The following TANC1 variants were observed in gnomAD, a reference collection of about 807,000 sequenced individuals.
TANC1 encodes the protein protein TANC1.
Under a neutral mutation model 149.7 loss-of-function variants are expected in TANC1, and 77 were observed. That is an observed-to-expected ratio of 0.51 (90% CI 0.43 to 0.62). The LOEUF is 0.62. TANC1 is among the 20% of genes least tolerant of loss of function. The pLI, the probability that TANC1 is intolerant of heterozygous loss-of-function variation, is 0.00. For missense variants in TANC1, 1,985 were observed against 2,321.8 expected, an observed-to-expected ratio of 0.85 and a Z score of 2.98; for synonymous variants, 854 against 925.0, an observed-to-expected ratio of 0.92 and a Z score of 1.39.
At chr2:159,082,639 A>G (rs958432869) in intron 3 of TANC1, among the ~76,000 whole-genome samples, 1 of 152,192 alleles carries the variant, frequency 6.6e-6, no homozygotes, top group African/African-American at 2.4e-5. Context: ...TGTCCTTAGC[A>G]GAGTGCTGTA....
In TANC1 at chr2:159,179,373, G is replaced by T. The variant is rs565827867; in HGVS notation, c.2510+210G>T. Among the ~76,000 whole-genome samples, 3 of 151,986 alleles carry T rather than the reference G, an allele frequency of 2.0e-5. No homozygotes were observed. The South Asian group carries it at 6.2e-4, about 32-fold the overall frequency. On this transcript the variant is annotated intron_variant, in intron 14 of 26. Transcript: ENST00000263635. Reference sequence around the variant, plus strand: ...ACAGAAGCTGCCTTCTAATTGCTAGGACTCCCTTATGGATGGTACATGTGG... The same window carrying T: ...ACAGAAGCTGCCTTCTAATTGCTAGTACTCCCTTATGGATGGTACATGTGG...
chr2:159,100,625 G>C (rs2046586746), intron 4 of TANC1, among the ~76,000 whole-genome samples: 1 of 152,170 alleles, frequency 6.6e-6, no homozygotes. Flanking sequence ...ATCTCTAACG[G>C]AGCAGTGCTT....
At chr2:159,016,321 C>T (rs2038260684) in intron 2 of TANC1, among the ~76,000 whole-genome samples, 2 of 152,098 alleles carry the variant, frequency 1.3e-5, no homozygotes, top group Admixed American at 6.5e-5. Flanking sequence ...GGGAACGACC[C>T]CCATGATTCA....
chr2:159,066,208 G>A (rs1429416688), intron 3 of TANC1, among the ~76,000 whole-genome samples: 1 of 152,180 alleles, frequency 6.6e-6, no homozygotes, highest in Non-Finnish European at 1.5e-5. Context: ...AGGAGTTCCA[G>A]GACCAGCCTG....
At chr2:159,020,832 T>A (rs551403654) in intron 2 of TANC1, among the ~76,000 whole-genome samples, 26 of 151,994 alleles carry the variant, frequency 1.7e-4, no homozygotes, top group African/African-American at 6.3e-4. Context: ...ATATAGACAA[T>A]CTTCTTGGAC....
intron 8 of TANC1, among the ~76,000 whole-genome samples, chr2:159,167,964 C>T (rs2054780342): frequency 6.6e-6 from 1 of 152,120 alleles, no homozygotes; most frequent in African/African-American, 2.4e-5. Flanking sequence ...GTCCCCTGCA[C>T]CTTGGTCCCA....
chr2:158,999,460 T>A (rs1166787431), intron 1 of TANC1, among the ~76,000 whole-genome samples: 1 of 152,192 alleles, frequency 6.6e-6, no homozygotes, highest in Admixed American at 6.5e-5. Flanking sequence ...TATTATTGCC[T>A]CCCTCAAATA....
At chr2:159,209,382 G>C (rs2058838659) in intron 19 of TANC1, among the ~76,000 whole-genome samples, 1 of 152,216 alleles carries the variant, frequency 6.6e-6, no homozygotes, top group Admixed American at 6.5e-5. Context: ...CCCTCGCTCA[G>C]AGACGGGAGG....
At chr2:159,208,850 T>C (rs2058800367) in intron 19 of TANC1, among the ~76,000 whole-genome samples, 3 of 152,352 alleles carry the variant, frequency 2.0e-5, no homozygotes, top group Admixed American at 2.0e-4. Flanking sequence ...AATCCTCCAG[T>C]GTACTTACAC....
intron 3 of TANC1, among the ~76,000 whole-genome samples, chr2:159,080,077 C>T (rs1256975632): frequency 6.6e-6 from 1 of 152,294 alleles, no homozygotes; most frequent in East Asian, 1.9e-4. Context: ...AGGGGCAGGG[C>T]TCTGCAACCC....
At chr2:159,012,428 T>A (rs1469923769) in intron 2 of TANC1, among the ~76,000 whole-genome samples, 2 of 150,632 alleles carry the variant, frequency 1.3e-5, no homozygotes, top group South Asian at 4.2e-4. Context: ...TTAAAATACC[T>A]TGGCACTCTA....
intron 2 of TANC1, among the ~76,000 whole-genome samples, chr2:159,062,992 A>AAAAAAAAAAAAAAAG (rs1559188236): frequency 1.4e-5 from 2 of 147,404 alleles, no homozygotes; most frequent in African/African-American, 2.5e-5. Flanking sequence ...AAAAAAAAAA[A>AAAAAAAAAAAAAAAG]AAAGAAAGCA....
chr2:159,219,950 T>C, intron 22 of TANC1, 83 bp downstream of exon 22: 1 of 1,362,682 alleles, frequency 7.3e-7, no homozygotes, highest in African/African-American at 1.4e-5. Context: ...AGGGCCTGCA[T>C]GAGGTTGTGT....
chr2:159,063,161 CAG>C (rs2042389873), intron 2 of TANC1, among the ~76,000 whole-genome samples: 1 of 151,976 alleles, frequency 6.6e-6, no homozygotes, highest in African/African-American at 2.4e-5. Context: ...AGGTGTCTCT[CAG>C]TGTGAACAGA....
intron 2 of TANC1, among the ~76,000 whole-genome samples, chr2:159,054,918 A>T (rs1262252535): frequency 1.3e-5 from 2 of 152,222 alleles, no homozygotes; most frequent in Admixed American, 6.5e-5. Flanking sequence ...GAAATTATCC[A>T]GTCCAGCAGG....
At chr2:159,176,020 A>G (rs1195669265) in intron 12 of TANC1, among the ~76,000 whole-genome samples, 1 of 152,080 alleles carries the variant, frequency 6.6e-6, no homozygotes, top group Admixed American at 6.5e-5. Flanking sequence ...ACCTTTCCGG[A>G]TTGGGCCTCT....
intron 16 of TANC1, among the ~76,000 whole-genome samples, chr2:159,188,562 C>G (rs919527462): frequency 1.3e-5 from 2 of 152,264 alleles, no homozygotes; most frequent in South Asian, 4.1e-4. Context: ...CTTTTCTCAG[C>G]TGACAACAGA....
chr2:158,975,108 C>G (rs1553507927), intron 1 of TANC1, among the ~76,000 whole-genome samples: 2 of 151,940 alleles, frequency 1.3e-5, no homozygotes, highest in Non-Finnish European at 2.9e-5. Flanking sequence ...AATGTAAATG[C>G]TAGATAAATA....
At chr2:159,031,507 A>T (rs1245772915) in intron 2 of TANC1, among the ~76,000 whole-genome samples, 1 of 152,228 alleles carries the variant, frequency 6.6e-6, no homozygotes, top group Non-Finnish European at 1.5e-5. Context: ...CTGGAAGTGG[A>T]TGTAGTTTTA....
Sources: gnomAD v4.1 joint callset for allele counts (sites outside exome capture counted in the v4.1 genomes callset) on GRCh38, gnomAD v4.1.1 for gene constraint, MANE v1.5 for transcripts, NCBI Gene and HGNC (gene_info 2026-07-23, HGNC 2026-07-21) for gene names.